PTK2: variants seen among roughly 807,000 people sequenced by gnomAD.
The protein encoded by PTK2 is focal adhesion kinase 1.
PTK2 carries 45 observed loss-of-function variants against 150.1 expected under a neutral mutation model. The ratio of observed to expected loss-of-function variants is 0.30; its 90% confidence interval spans 0.24 to 0.38. The LOEUF is 0.38. Ranked by LOEUF, PTK2 falls within the 10% of genes least tolerant of loss-of-function variation. PTK2 has a pLI of 1.00. For missense variants in PTK2, 919 were observed against 1,307.3 expected, an observed-to-expected ratio of 0.70 and a Z score of 4.58; for synonymous variants, 432 against 449.2, an observed-to-expected ratio of 0.96 and a Z score of 0.48.
intron 13 of PTK2, 146 bp downstream of exon 13, chr8:140,793,208 A>C: frequency 1.1e-6 from 1 of 914,032 alleles, no homozygotes; most frequent in Admixed American, 3.2e-5. Flanking sequence ...TTTAAAACTG[A>C]CTTGATTTCT....
intron 27 of PTK2, among the ~76,000 whole-genome samples, chr8:140,681,366 AG>A (rs1334635012): frequency 1.3e-5 from 2 of 149,144 alleles, no homozygotes; most frequent in South Asian, 4.3e-4. Context: ...AAAAAAAAAA[AG>A]ATCTCAAATT....
intron 29 of PTK2, among the ~76,000 whole-genome samples, chr8:140,673,374 C>T (rs536067315): frequency 1.3e-5 from 2 of 152,144 alleles, no homozygotes; most frequent in East Asian, 3.9e-4. Context: ...TCCCGAAATG[C>T]TGGGATTACA....
intron 22 of PTK2, among the ~76,000 whole-genome samples, chr8:140,729,764 A>G (rs2100048105): frequency 6.6e-6 from 1 of 152,210 alleles, no homozygotes; most frequent in Admixed American, 6.5e-5. Context: ...TAGCCAATAA[A>G]CATCAAGGCA....
At chr8:140,957,803 T>C (rs1017706583) in intron 1 of PTK2, among the ~76,000 whole-genome samples, 5 of 152,334 alleles carry the variant, frequency 3.3e-5, no homozygotes, top group South Asian at 2.1e-4. Flanking sequence ...CTAGGAGCAA[T>C]AGGCTATACT....
chr8:140,917,562 G>A (rs2100165792), intron 2 of PTK2, among the ~76,000 whole-genome samples: 1 of 152,112 alleles, frequency 6.6e-6, no homozygotes, highest in Admixed American at 6.6e-5. Context: ...GTTTGACATG[G>A]AAGATTTATT....
intron 7 of PTK2, among the ~76,000 whole-genome samples, chr8:140,844,954 C>T (rs948487539): frequency 1.3e-5 from 2 of 152,112 alleles, no homozygotes; most frequent in Admixed American, 6.5e-5. Flanking sequence ...TAGTGGCCCA[C>T]GACAGAAAAC....
intron 1 of PTK2, among the ~76,000 whole-genome samples, chr8:140,957,263 A>G (rs771109502): frequency 2.0e-5 from 3 of 151,924 alleles, no homozygotes; most frequent in Non-Finnish European, 2.9e-5. Context: ...GTGAAACCCT[A>G]TCTCTACAGA....
chr8:140,989,507 C>G (rs376810538), intron 1 of PTK2, among the ~76,000 whole-genome samples: 1 of 150,076 alleles, frequency 6.7e-6, no homozygotes, highest in Non-Finnish European at 1.5e-5. Context: ...TGAATATATA[C>G]AGAAGCTACA....
intron 1 of PTK2, among the ~76,000 whole-genome samples, chr8:140,999,246 G>A (rs2100199049): frequency 6.6e-6 from 1 of 152,164 alleles, no homozygotes; most frequent in South Asian, 2.1e-4. Flanking sequence ...TCTAATCAGC[G>A]TCTACACTGA....
At chr8:140,880,116 T>A (rs1160732267) in intron 3 of PTK2, among the ~76,000 whole-genome samples, 1 of 152,208 alleles carries the variant, frequency 6.6e-6, no homozygotes, top group African/African-American at 2.4e-5. Flanking sequence ...AAACATACAT[T>A]CAGGAACACA....
intron 5 of PTK2, among the ~76,000 whole-genome samples, chr8:140,849,707 G>C (rs1183710439): frequency 3.9e-5 from 6 of 152,194 alleles, no homozygotes; most frequent in Non-Finnish European, 8.8e-5. Context: ...CCAGGGACCA[G>C]TTACTACGCT....
chr8:140,691,684 T>C (rs1327683933), intron 26 of PTK2, among the ~76,000 whole-genome samples: 1 of 152,168 alleles, frequency 6.6e-6, no homozygotes, highest in Non-Finnish European at 1.5e-5. Flanking sequence ...TCCATGCCTC[T>C]TTGGACAAGG....
At chr8:140,896,796 G>GGC (rs1568397769) in intron 2 of PTK2, among the ~76,000 whole-genome samples, 1 of 127,686 alleles carries the variant, frequency 7.8e-6, no homozygotes, top group South Asian at 2.5e-4. Context: ...AACGGGGGGG[G>GGC]GGGGTGGGTA....
intron 5 of PTK2, 144 bp from the exon 6 acceptor site, chr8:140,846,822 G>A (rs897202748): frequency 1.7e-6 from 1 of 586,048 alleles, no homozygotes; most frequent in Admixed American, 3.5e-5. Context: ...ATAAATAAAT[G>A]TTTCCTGAGT....
chr8:140,746,227 G>T (rs2154480766), intron 18 of PTK2, among the ~76,000 whole-genome samples: 1 of 152,198 alleles, frequency 6.6e-6, no homozygotes, highest in Admixed American at 6.5e-5. Context: ...AGCAACTCGG[G>T]AAGTTGAGGT....
chr8:140,969,109 A>T (rs2100186319), intron 1 of PTK2, among the ~76,000 whole-genome samples: 1 of 152,230 alleles, frequency 6.6e-6, no homozygotes, highest in Admixed American at 6.5e-5. Flanking sequence ...GAGGACTCTG[A>T]AAAGTAAACA....
chr8:140,659,302 G>A (rs932948656), exon 32 of PTK2: 6 of 548,558 alleles, frequency 1.1e-5, no homozygotes, highest in Non-Finnish European at 1.9e-5. Context: ...AAATCAAAGT[G>A]TGGTTAAACT....
intron 1 of PTK2, among the ~76,000 whole-genome samples, chr8:140,949,350 G>A (rs2100178723): frequency 6.6e-6 from 1 of 152,218 alleles, no homozygotes; most frequent in Admixed American, 6.5e-5. Flanking sequence ...GCTGGCAGGA[G>A]GTGGGAACAG....
intron 22 of PTK2, chr8:140,734,566 T>G: frequency 2.8e-6 from 1 of 360,844 alleles, no homozygotes; most frequent in South Asian, 2.1e-5. Context: ...CACATGCTTC[T>G]CTGAGGGATT....
Sources: allele counts gnomAD v4.1 joint callset (sites outside exome capture counted in the v4.1 genomes callset), GRCh38; gene constraint gnomAD v4.1.1; transcripts MANE v1.5; gene names NCBI Gene and HGNC (gene_info 2026-07-23, HGNC 2026-07-21).